The following NEK4 variants were observed in gnomAD, a reference collection of about 807,000 sequenced individuals.
The protein encoded by NEK4 is serine/threonine-protein kinase Nek4.
A neutral mutation model predicts 98.4 loss-of-function variants in NEK4; 86 were observed. That is an observed-to-expected ratio of 0.87 (90% CI 0.73 to 1.05). NEK4 has a LOEUF of 1.05. Among genes scored for constraint, NEK4 ranks in the 50% least tolerant of loss-of-function variants. The pLI is 0.00. For synonymous variants in NEK4, 328 were observed against 342.2 expected, an observed-to-expected ratio of 0.96 and a Z score of 0.46; for missense variants, 898 against 950.3, an observed-to-expected ratio of 0.94 and a Z score of 0.72.
At chr3:52,741,095 G>A (rs1032240012) in intron 13 of NEK4, among the ~76,000 whole-genome samples, 7 of 151,916 alleles carry the variant, frequency 4.6e-5, no homozygotes, top group Non-Finnish European at 1.0e-4. Context: ...AACTAGCCGG[G>A]CATGGTGGCG....
At chr3:52,754,518 C>T in intron 6 of NEK4, 1 of 1,120,732 alleles carries the variant, frequency 8.9e-7, no homozygotes, top group South Asian at 1.2e-5. Flanking sequence ...ATAGAAGACT[C>T]ATGCAATTAG....
intron 2 of NEK4, among the ~76,000 whole-genome samples, chr3:52,766,957 T>C (rs1445793289): frequency 1.3e-5 from 2 of 150,208 alleles, no homozygotes; most frequent in Non-Finnish European, 3.0e-5. Flanking sequence ...CTGCAGTCCG[T>C]AGTCCGGCCT....
At chr3:52,758,062 C>T (rs968676367) in intron 6 of NEK4, among the ~76,000 whole-genome samples, 5 of 151,410 alleles carry the variant, frequency 3.3e-5, no homozygotes, top group African/African-American at 1.2e-4. Context: ...ACCTGTAATC[C>T]CAGCTATTCA....
chr3:52,721,609 G>A (rs930947604), intron 15 of NEK4, among the ~76,000 whole-genome samples: 4 of 151,852 alleles, frequency 2.6e-5, no homozygotes, highest in Non-Finnish European at 4.4e-5. Flanking sequence ...GGTGGGGCAC[G>A]CCTATTGTCC....
chr3:52,736,454 T>C (rs1385959223), intron 15 of NEK4, among the ~76,000 whole-genome samples: 1 of 151,928 alleles, frequency 6.6e-6, no homozygotes, highest in Non-Finnish European at 1.5e-5. Flanking sequence ...AGCGTGGTGG[T>C]GGGCACCTGT....
At chr3:52,733,685 A>G in intron 15 of NEK4, 1 of 451,128 alleles carries the variant, frequency 2.2e-6, no homozygotes. Flanking sequence ...GAAACTTTAC[A>G]AATATAGTGA....
intron 12 of NEK4, among the ~76,000 whole-genome samples, 176 bp from the exon 13 acceptor site, chr3:52,741,675 A>C (rs538703004): frequency 1.1e-4 from 16 of 152,320 alleles, no homozygotes; most frequent in African/African-American, 3.8e-4. Flanking sequence ...AGAAAAAAAC[A>C]TTGAAGTGAT....
chr3:52,737,434 G>T, intron 15 of NEK4, 152 bp downstream of exon 15: 1 of 696,698 alleles, frequency 1.4e-6, no homozygotes, highest in Non-Finnish European at 2.4e-6. Context: ...AATATCGATT[G>T]TGGTAATGAC....
chr3:52,764,762 GCACACACACACACATGCACACA>G (rs1559450410), intron 4 of NEK4, among the ~76,000 whole-genome samples: 3 of 122,720 alleles, frequency 2.4e-5, no homozygotes, highest in African/African-American at 1.1e-4. Flanking sequence ...GCGTGCGCAT[GCACACACACACACATGCACACA>G]CACACACACA....
At chr3:52,760,377 C>T (rs942939862) in intron 6 of NEK4, among the ~76,000 whole-genome samples, 7 of 152,020 alleles carry the variant, frequency 4.6e-5, no homozygotes, top group African/African-American at 1.7e-4. Context: ...CCACCACAGC[C>T]AGCTAATTTT....
intron 12 of NEK4, among the ~76,000 whole-genome samples, chr3:52,742,153 T>C (rs955160899): frequency 6.6e-6 from 1 of 152,214 alleles, no homozygotes; most frequent in African/African-American, 2.4e-5. Flanking sequence ...TGGCTAGTTC[T>C]GGTTTATCAA....
chr3:52,731,864 G>A (rs954443172), intron 15 of NEK4, among the ~76,000 whole-genome samples: 13 of 152,168 alleles, frequency 8.5e-5, no homozygotes, highest in Admixed American at 3.3e-4. Context: ...GGAGGGACCC[G>A]GCGGGAGGTA....
intron 15 of NEK4, among the ~76,000 whole-genome samples, chr3:52,730,139 A>G (rs1352488282): frequency 6.6e-6 from 1 of 152,174 alleles, no homozygotes; most frequent in Non-Finnish European, 1.5e-5. Context: ...AAAGAATTGT[A>G]AGAGAACTAT....
At chr3:52,742,553 CAG>C (rs1409678612) in intron 12 of NEK4, among the ~76,000 whole-genome samples, 5 of 152,116 alleles carry the variant, frequency 3.3e-5, no homozygotes, top group Admixed American at 6.5e-5. Context: ...GAGTATTATA[CAG>C]AGAGGTGAAC....
intron 15 of NEK4, chr3:52,732,968 A>T: frequency 4.5e-6 from 1 of 222,610 alleles, no homozygotes. Context: ...GGAAGTAATC[A>T]AATTGAAAAG....
intron 15 of NEK4, among the ~76,000 whole-genome samples, chr3:52,714,062 T>C (rs1252592633): frequency 1.3e-5 from 2 of 152,020 alleles, no homozygotes; most frequent in African/African-American, 4.8e-5. Context: ...TGGTGAAACT[T>C]TGTCTCTACA....
chr3:52,770,600 CCTCGG>C, intron 1 of NEK4, 49 bp downstream of exon 1: 1 of 1,421,890 alleles, frequency 7.0e-7, no homozygotes, highest in South Asian at 1.2e-5. Context: ...CGGTCGGCGC[CCTCGG>C]CGCACTTCTG....
chr3:52,769,374 G>C (rs1698698071), intron 1 of NEK4, among the ~76,000 whole-genome samples: 1 of 152,130 alleles, frequency 6.6e-6, no homozygotes, highest in Non-Finnish European at 1.5e-5. Flanking sequence ...AAGTTTAATA[G>C]TCACTGATCT....
At chr3:52,753,378 G>T in intron 6 of NEK4, 1 of 346,920 alleles carries the variant, frequency 2.9e-6, no homozygotes, top group South Asian at 2.3e-5. Flanking sequence ...CAGAGATGCC[G>T]CTGGGCCACA....
Sources: allele counts gnomAD v4.1 joint callset (sites outside exome capture counted in the v4.1 genomes callset), GRCh38; gene constraint gnomAD v4.1.1; transcripts MANE v1.5; gene names NCBI Gene and HGNC (gene_info 2026-07-23, HGNC 2026-07-21).